WARS2: variants seen among roughly 807,000 people sequenced by gnomAD.
WARS2 encodes tryptophanyl tRNA synthetase 2, mitochondrial.
WARS2 carries 28 observed loss-of-function variants against 36.5 expected under a neutral mutation model. That is an observed-to-expected ratio of 0.77 (90% CI 0.57 to 1.05). The LOEUF (loss-of-function observed/expected upper bound fraction) is 1.05. WARS2 is among the 50% of genes least tolerant of loss of function. The pLI, the probability that WARS2 is intolerant of heterozygous loss-of-function variation, is 0.00. For missense variants in WARS2, 435 were observed against 456.8 expected (o/e 0.95, Z 0.44); for synonymous variants, 174 against 178.4 (o/e 0.98, Z 0.20).
chr1:119,121,123 T>A (rs901756046), intron 1 of WARS2, among the ~76,000 whole-genome samples: 5 of 152,104 alleles, frequency 3.3e-5, no homozygotes, highest in African/African-American at 9.7e-5. Context: ...TTGGCAATGA[T>A]ATGATCACAT....
At chr1:119,047,534 T>C (rs976405184) in intron 2 of WARS2, 4 of 152,198 alleles carry the variant, frequency 2.6e-5, no homozygotes, top group Non-Finnish European at 5.9e-5. Flanking sequence ...TCCAAAATGG[T>C]GAGCATAAAA....
chr1:119,139,267 A>C (rs961850199), intron 1 of WARS2, among the ~76,000 whole-genome samples: 14 of 152,228 alleles, frequency 9.2e-5, no homozygotes, highest in Non-Finnish European at 4.4e-5. Flanking sequence ...TTTGCTGACA[A>C]GCAGCTTTCC....
At chr1:119,064,313 G>A (rs1351891654) in intron 2 of WARS2, 1 of 152,172 alleles carries the variant, frequency 6.6e-6, no homozygotes, top group African/African-American at 2.4e-5. Flanking sequence ...TAACTAGTTT[G>A]CTTTTGATTT....
chr1:119,074,805 T>C (rs2101306681), intron 2 of WARS2, among the ~76,000 whole-genome samples: 1 of 152,238 alleles, frequency 6.6e-6, no homozygotes, highest in Non-Finnish European at 1.5e-5. Context: ...TACACAGTCA[T>C]AACAAGGAAT....
chr1:119,094,505 T>C (rs1413151579), intron 1 of WARS2, among the ~76,000 whole-genome samples: 1 of 152,130 alleles, frequency 6.6e-6, no homozygotes, highest in African/African-American at 2.4e-5. Context: ...AAAAAACAAG[T>C]AAATATGTCT....
At chr1:119,140,406 G>C in intron 1 of WARS2, 149 bp downstream of exon 1, 1 of 626,450 alleles carries the variant, frequency 1.6e-6, no homozygotes, top group Non-Finnish European at 2.7e-6. Context: ...GCTCTGAGCA[G>C]GCCGACAGTC....
intron 1 of WARS2, among the ~76,000 whole-genome samples, chr1:119,121,058 G>A (rs1655294955): frequency 6.6e-6 from 1 of 152,056 alleles, no homozygotes; most frequent in Admixed American, 6.6e-5. Context: ...AATCAGACAA[G>A]AGAAAGAAAT....
intron 1 of WARS2, among the ~76,000 whole-genome samples, chr1:119,080,846 C>A (rs1652135804): frequency 6.6e-6 from 1 of 152,166 alleles, no homozygotes; most frequent in Admixed American, 6.5e-5. Context: ...GGACAAGAGA[C>A]AAACCACAAA....
At chr1:119,131,462 T>TG (rs1467366400) in intron 1 of WARS2, among the ~76,000 whole-genome samples, 1 of 146,114 alleles carries the variant, frequency 6.8e-6, no homozygotes, top group Non-Finnish European at 1.5e-5. Context: ...TTTTTTGTTT[T>TG]TTGTTTTTTT....
intron 1 of WARS2, among the ~76,000 whole-genome samples, chr1:119,080,320 A>G (rs1652088371): frequency 6.6e-6 from 1 of 152,234 alleles, no homozygotes; most frequent in African/African-American, 2.4e-5. Flanking sequence ...CTTCAAACTC[A>G]GAAATTATTC....
intron 1 of WARS2, among the ~76,000 whole-genome samples, chr1:119,098,798 G>A (rs950865291): frequency 6.6e-4 from 99 of 150,012 alleles, no homozygotes; most frequent in African/African-American, 2.2e-3. Flanking sequence ...GTGCAATGGC[G>A]TGATCTCAGC....
At chr1:119,130,955 A>G (rs958327577) in intron 1 of WARS2, among the ~76,000 whole-genome samples, 1 of 152,214 alleles carries the variant, frequency 6.6e-6, no homozygotes, top group African/African-American at 2.4e-5. Flanking sequence ...CACCTGTGGT[A>G]TGGTGCATAC....
At chr1:119,132,540 T>C (rs756583582) in intron 1 of WARS2, among the ~76,000 whole-genome samples, 4 of 152,164 alleles carry the variant, frequency 2.6e-5, no homozygotes, top group Non-Finnish European at 5.9e-5. Context: ...ATTCTCCCCA[T>C]GGGAGGACAG....
At chr1:119,098,243 C>T (rs189131668) in intron 1 of WARS2, among the ~76,000 whole-genome samples, 12 of 151,862 alleles carry the variant, frequency 7.9e-5, no homozygotes, top group African/African-American at 2.4e-4. Flanking sequence ...AGCGAGACAC[C>T]GTCTCAAAAC....
intron 1 of WARS2, among the ~76,000 whole-genome samples, chr1:119,129,836 A>G (rs1264513237): frequency 6.6e-6 from 1 of 152,242 alleles, no homozygotes; most frequent in South Asian, 2.1e-4. Context: ...AAGCATTGCA[A>G]TAAAGCTTTC....
chr1:119,058,322 TATACTTTAAG>T (rs1650022557), intron 2 of WARS2, among the ~76,000 whole-genome samples: 1 of 146,600 alleles, frequency 6.8e-6, no homozygotes, highest in Non-Finnish European at 1.5e-5. Flanking sequence ...TTTTTTTTTT[TATACTTTAAG>T]TTTTAGGGTA....
intron 3 of WARS2, among the ~76,000 whole-genome samples, chr1:119,043,742 C>T (rs1648564194): frequency 6.6e-6 from 1 of 152,126 alleles, no homozygotes; most frequent in South Asian, 2.1e-4. Flanking sequence ...CAATTTATAG[C>T]CTTTTCGTAT....
rs556043889 is a variant in WARS2 at position 119,057,424 on chromosome 1, G to A, written c.349-11762C>T. Among the ~76,000 whole-genome samples the A allele has an allele frequency of 1.3e-4, 20 of 151,938 alleles. No homozygotes were observed. The South Asian group carries it at 1.9e-3, about 14-fold the overall frequency. ...CTTCCAAAGTGCTGGGATTACAGGC[G>A]TGAGTCACTGCGCCTGGCCCCATTT... On this transcript the variant is annotated intron_variant, in intron 2 of 5. Coordinates refer to ENST00000235521, the MANE Select transcript of WARS2 (RefSeq NM_015836.4).
At chr1:119,059,792 T>C (rs12036464) in intron 2 of WARS2, among the ~76,000 whole-genome samples, 33,725 of 152,108 alleles carry the variant, frequency 0.22, 5,125 homozygotes, top group East Asian at 0.52. Context: ...TGCAGGAACA[T>C]GGATGAGCTG....
Sources: gnomAD v4.1 joint callset for allele counts (sites outside exome capture counted in the v4.1 genomes callset) on GRCh38, gnomAD v4.1.1 for gene constraint, MANE v1.5 for transcripts, NCBI Gene and HGNC (gene_info 2026-07-23, HGNC 2026-07-21) for gene names.